Variants in WWOX observed in about 807,000 individuals in gnomAD.
WWOX encodes the protein WW domain-containing oxidoreductase.
Under a neutral mutation model 46.2 loss-of-function variants are expected in WWOX, and 69 were observed. The ratio of observed to expected loss-of-function variants is 1.49; its 90% confidence interval spans 1.23 to 1.82. The LOEUF (loss-of-function observed/expected upper bound fraction) is 1.82. Among genes scored for constraint, WWOX ranks in the 40% most tolerant of loss-of-function variants. The pLI is 0.00. For synonymous variants in WWOX, 359 were observed against 202.6 expected (o/e 1.77, Z -6.56); for missense variants, 919 against 542.6 (o/e 1.69, Z -6.89).
At chr16:79,068,359 A>G (rs2048480496) in intron 8 of WWOX, among the ~76,000 whole-genome samples, 1 of 152,104 alleles carries the variant, frequency 6.6e-6, no homozygotes, top group African/African-American at 2.4e-5. Context: ...TGTTTGCAGG[A>G]GTTGTTCAGT....
At chr16:78,789,212 A>G (rs1423051883) in intron 8 of WWOX, among the ~76,000 whole-genome samples, 1 of 152,194 alleles carries the variant, frequency 6.6e-6, no homozygotes, top group African/African-American at 2.4e-5. Context: ...GAAGGGAAAC[A>G]TGGTTTCAGA....
At chr16:78,311,701 T>G (rs76499113) in intron 5 of WWOX, among the ~76,000 whole-genome samples, 2,761 of 152,286 alleles carry the variant, frequency 0.018, 27 homozygotes, top group Non-Finnish European at 0.028. Flanking sequence ...AGGCAGACTT[T>G]AGTCTGGTTT....
At chr16:78,245,391 G>A (rs905607863) in intron 5 of WWOX, among the ~76,000 whole-genome samples, 7 of 152,150 alleles carry the variant, frequency 4.6e-5, no homozygotes, top group Non-Finnish European at 8.8e-5. Flanking sequence ...ATTTCTATGG[G>A]ATTGATTTGC....
intron 8 of WWOX, among the ~76,000 whole-genome samples, chr16:78,684,463 C>G (rs949456539): frequency 2.0e-5 from 3 of 152,194 alleles, no homozygotes; most frequent in East Asian, 3.9e-4. Context: ...TGAGTCAGAT[C>G]AAGTCCAGAA....
chr16:78,500,093 A>G (rs1438903298), intron 8 of WWOX, among the ~76,000 whole-genome samples: 1 of 152,208 alleles, frequency 6.6e-6, no homozygotes, highest in African/African-American at 2.4e-5. Flanking sequence ...GGTTCAAAGC[A>G]CACATTGAGG....
chr16:79,078,399 C>T (rs897192195), intron 8 of WWOX, among the ~76,000 whole-genome samples: 2 of 152,148 alleles, frequency 1.3e-5, no homozygotes, highest in Non-Finnish European at 2.9e-5. Context: ...CTCTGATTCT[C>T]ATGGCTCGGG....
chr16:78,696,183 G>A (rs1465776711), intron 8 of WWOX, among the ~76,000 whole-genome samples: 3 of 152,092 alleles, frequency 2.0e-5, no homozygotes, highest in Admixed American at 1.3e-4. Context: ...ACATTCCTCC[G>A]GGCAAGTCTT....
At chr16:78,738,225 C>T (rs554557936) in intron 8 of WWOX, among the ~76,000 whole-genome samples, 73 of 152,278 alleles carry the variant, frequency 4.8e-4, no homozygotes, top group Non-Finnish European at 8.2e-4. Flanking sequence ...TTTAAGATTT[C>T]AGTAGCTGCT....
At chr16:78,109,406 G>A (rs573378458) in intron 2 of WWOX, among the ~76,000 whole-genome samples, 17 of 152,184 alleles carry the variant, frequency 1.1e-4, no homozygotes, top group Admixed American at 8.5e-4. Flanking sequence ...AAAAATGGCC[G>A]TGCCCTCTAA....
At chr16:78,451,211 C>T (rs563751400) in intron 8 of WWOX, among the ~76,000 whole-genome samples, 1 of 152,244 alleles carries the variant, frequency 6.6e-6, no homozygotes, top group South Asian at 2.1e-4. Flanking sequence ...TTTGGCAAGT[C>T]CTCCTGACCA....
chr16:78,261,586 T>G (rs1424256658), intron 5 of WWOX, among the ~76,000 whole-genome samples: 2 of 150,394 alleles, frequency 1.3e-5, no homozygotes, highest in East Asian at 1.9e-4. Context: ...CTGCAAGCAT[T>G]TGTCCTTTTA....
intron 5 of WWOX, among the ~76,000 whole-genome samples, chr16:78,184,018 C>A (rs1354496624): frequency 6.6e-6 from 1 of 152,158 alleles, no homozygotes; most frequent in African/African-American, 2.4e-5. Context: ...GGCTCAATTG[C>A]AGCTCCAATA....
At chr16:78,569,992 C>T (rs1478218916) in intron 8 of WWOX, among the ~76,000 whole-genome samples, 1 of 152,146 alleles carries the variant, frequency 6.6e-6, no homozygotes, top group Admixed American at 6.5e-5. Context: ...GAAGAGCTTG[C>T]AGTGGGATGG....
rs142067290 is a variant in WWOX at position 78,855,823 on chromosome 16, A to G, written c.1057-355785A>G. Reference sequence around the variant, plus strand: ...ATTCATCACTTATTTCCTGACTTCCACCTTGGGTCTGTCAGATTCTGTGTG... The same window carrying G: ...ATTCATCACTTATTTCCTGACTTCCGCCTTGGGTCTGTCAGATTCTGTGTG... On this transcript the variant is annotated intron_variant, in intron 8 of 8. Coordinates refer to ENST00000566780, the MANE Select transcript of WWOX (RefSeq NM_016373.4). Among the ~76,000 whole-genome samples the G allele has an allele frequency of 2.6e-3, 400 of 152,206 alleles. 3 individuals carry two copies. The highest frequency in any genetic ancestry group is 9.0e-3 in the African/African-American group (372 of 41,528).
At chr16:79,031,810 AATAT>A (rs945074541) in intron 8 of WWOX, among the ~76,000 whole-genome samples, 36 of 135,888 alleles carry the variant, frequency 2.6e-4, no homozygotes, top group Admixed American at 2.4e-3. Context: ...ATATCTATAT[AATAT>A]ATATAATCTA....
intron 8 of WWOX, among the ~76,000 whole-genome samples, chr16:78,981,107 A>G (rs1449940837): frequency 1.3e-5 from 2 of 152,280 alleles, no homozygotes. Context: ...GTGGAGTCCC[A>G]TGCCTTGGTG....
At chr16:78,309,664 G>C (rs1170373746) in intron 5 of WWOX, among the ~76,000 whole-genome samples, 1 of 152,166 alleles carries the variant, frequency 6.6e-6, no homozygotes, top group Non-Finnish European at 1.5e-5. Flanking sequence ...TCTTGTTTGG[G>C]TCGGGAATAA....
chr16:78,889,175 G>C (rs772996572), intron 8 of WWOX, among the ~76,000 whole-genome samples: 3 of 152,136 alleles, frequency 2.0e-5, no homozygotes, highest in African/African-American at 7.2e-5. Context: ...ATAAGGATTC[G>C]TACCAGGGAT....
intron 7 of WWOX, among the ~76,000 whole-genome samples, chr16:78,428,911 T>A (rs1283853151): frequency 6.6e-6 from 1 of 152,092 alleles, no homozygotes. Flanking sequence ...ATGGAAAACA[T>A]AGAAGAGTTG....
Sources: allele counts gnomAD v4.1 joint callset (sites outside exome capture counted in the v4.1 genomes callset), GRCh38; gene constraint gnomAD v4.1.1; transcripts MANE v1.5; gene names NCBI Gene and HGNC (gene_info 2026-07-23, HGNC 2026-07-21).